SLF1: variants seen among roughly 807,000 people sequenced by gnomAD.
The protein encoded by SLF1 is SMC5-SMC6 complex localization factor protein 1.
SLF1 carries 105 observed loss-of-function variants against 123.0 expected under a neutral mutation model. The observed-to-expected ratio is 0.85, with a 90% CI of 0.73 to 1.00. The LOEUF (loss-of-function observed/expected upper bound fraction) is 1.00, where lower values mean the gene tolerates loss of function less well. Ranked by LOEUF, SLF1 falls within the 50% of genes least tolerant of loss-of-function variation. The pLI is 0.00. For synonymous variants in SLF1, 434 were observed against 406.6 expected (o/e 1.07, Z -0.81); for missense variants, 1,239 against 1,223.0 (o/e 1.01, Z -0.20).
intron 4 of SLF1, among the ~76,000 whole-genome samples, chr5:94,639,038 T>C (rs905252118): frequency 1.3e-4 from 7 of 52,436 alleles, no homozygotes; most frequent in Admixed American, 1.0e-3. Context: ...TTTTCTTCCC[T>C]TTTTTTTTTT....
intron 4 of SLF1, among the ~76,000 whole-genome samples, chr5:94,639,927 G>A (rs540859069): frequency 3.9e-5 from 6 of 152,196 alleles, no homozygotes; most frequent in East Asian, 3.9e-4. Flanking sequence ...CGGGTCAACT[G>A]TATTTCCATT....
chr5:94,626,522 T>C (rs1792262670), intron 1 of SLF1, among the ~76,000 whole-genome samples: 1 of 152,298 alleles, frequency 6.6e-6, no homozygotes. Context: ...TAAAATACAT[T>C]GTACCTCTTT....
At chr5:94,644,832 C>G (rs1296506843) in intron 5 of SLF1, among the ~76,000 whole-genome samples, 2 of 152,172 alleles carry the variant, frequency 1.3e-5, no homozygotes, top group African/African-American at 4.8e-5. Flanking sequence ...ACCAAAAGCT[C>G]CTTGTCATCA....
At chr5:94,635,734 T>C (rs1745696891) in intron 4 of SLF1, among the ~76,000 whole-genome samples, 1 of 152,170 alleles carries the variant, frequency 6.6e-6, no homozygotes, top group Non-Finnish European at 1.5e-5. Context: ...ATGTCAAAAT[T>C]TATATTATTT....
chr5:94,696,714 T>G lies in SLF1; in HGVS notation c.*1402T>G, dbSNP rs1753532431. 6.6e-6 allele frequency: 1 copy of G among 151,872 alleles called. No homozygotes were observed. 9.4% of individuals were successfully genotyped at this position (151,872 alleles called of 1,614,324 possible). A position where few individuals can be genotyped will look rare whatever the true frequency, so the allele number is the denominator to read the frequency against. ...TGCTTGGTAAACTAATATAAACTTG[T>G]AAACATAGGCTTTGACATCATACAC... On this transcript the variant is annotated 3_prime_UTR_variant, in exon 21 of 21. Coordinates refer to ENST00000265140, the MANE Select transcript of SLF1 (RefSeq NM_032290.4).
chr5:94,680,239 G>C (rs1193540333), intron 15 of SLF1, among the ~76,000 whole-genome samples: 1 of 152,146 alleles, frequency 6.6e-6, no homozygotes, highest in Non-Finnish European at 1.5e-5. Flanking sequence ...TCTGCAGAGA[G>C]AGTTCTCTTT....
chr5:94,690,953 G>T (rs1322776734), intron 18 of SLF1, among the ~76,000 whole-genome samples: 3 of 143,268 alleles, frequency 2.1e-5, no homozygotes, highest in Non-Finnish European at 4.6e-5. Context: ...TGTGTGTGTG[G>T]TGTGTTTATA....
chr5:94,678,212 G>A (rs866173405), intron 14 of SLF1, among the ~76,000 whole-genome samples: 1 of 152,066 alleles, frequency 6.6e-6, no homozygotes, highest in Admixed American at 6.5e-5. Context: ...GAGCCACCGC[G>A]CCCGGCCAGT....
chr5:94,681,603 C>G (rs962462634), intron 15 of SLF1, among the ~76,000 whole-genome samples: 1 of 151,822 alleles, frequency 6.6e-6, no homozygotes, highest in Non-Finnish European at 1.5e-5. Context: ...CCCACTAACT[C>G]GTCATCTAGC....
intron 12 of SLF1, among the ~76,000 whole-genome samples, chr5:94,668,872 T>G (rs555150116): frequency 6.6e-6 from 1 of 152,348 alleles, no homozygotes; most frequent in Non-Finnish European, 1.5e-5. Context: ...ATGACTTTCT[T>G]AAAGAGAGGT....
chr5:94,675,029 A>G (rs1322486385), intron 14 of SLF1, among the ~76,000 whole-genome samples: 1 of 152,216 alleles, frequency 6.6e-6, no homozygotes, highest in Non-Finnish European at 1.5e-5. Context: ...TCATGTTTCA[A>G]ATGCCAGTGT....
intron 4 of SLF1, among the ~76,000 whole-genome samples, chr5:94,633,193 G>A (rs1405264428): frequency 6.6e-6 from 1 of 151,648 alleles, no homozygotes; most frequent in Non-Finnish European, 1.5e-5. Context: ...CTCCATGTTG[G>A]TTAGGCTGGT....
intron 16 of SLF1, 105 bp from the exon 17 acceptor site, chr5:94,688,401 C>G (rs1752693479): frequency 7.5e-6 from 9 of 1,205,078 alleles, no homozygotes; most frequent in Non-Finnish European, 1.0e-5. Flanking sequence ...CATAGTGATG[C>G]AACCAAGAAA....
intron 4 of SLF1, among the ~76,000 whole-genome samples, chr5:94,639,399 G>A (rs969925803): frequency 6.6e-6 from 1 of 151,958 alleles, no homozygotes; most frequent in African/African-American, 2.4e-5. Context: ...CACTAGTTCA[G>A]TGTTTTTAAT....
intron 5 of SLF1, among the ~76,000 whole-genome samples, chr5:94,646,297 C>T (rs535901878): frequency 2.0e-5 from 3 of 152,146 alleles, no homozygotes; most frequent in South Asian, 4.2e-4. Context: ...TTGTTTAACC[C>T]TCTTATACTT....
intron 4 of SLF1, among the ~76,000 whole-genome samples, chr5:94,640,523 G>T (rs1292750318): frequency 6.6e-6 from 1 of 151,922 alleles, no homozygotes; most frequent in East Asian, 1.9e-4. Flanking sequence ...TGTGTATGTG[G>T]AGTTTTTTGG....
chr5:94,651,434 A>G (rs1314871797), intron 6 of SLF1, among the ~76,000 whole-genome samples: 2 of 152,234 alleles, frequency 1.3e-5, no homozygotes, highest in East Asian at 3.8e-4. Context: ...ATTAAACAAC[A>G]TGATTTGTAA....
At position 94,630,566 on chromosome 5, in the gene SLF1, A is replaced by C. The variant is rs374627; in HGVS notation, c.254A>C (p.Glu85Ala). The change falls in exon 4 of 21, where the codon GAA (glutamate) becomes GCA (alanine). Residue 85 changes from glutamate (E) to alanine (A), a missense_variant. By Grantham distance (107) the Glu-to-Ala change is moderately radical. Transcript: ENST00000265140. Reference sequence around the variant, plus strand: ...GCCAAAAGTGGCAGATGGCTTGATGAAACAACTTATGAATGGGGATATAAA... The same window carrying C: ...GCCAAAAGTGGCAGATGGCTTGATGCAACAACTTATGAATGGGGATATAAA... ...HSAKSGRWLD[E>A]TTYEWGYKIE... 2.6e-6 allele frequency: 4 copies of C among 1,551,592 alleles called. No individual in the cohort carries two copies. Among genetic ancestry groups the C allele is most frequent in the African/African-American group, 1.4e-5 (1 of 73,070 alleles).
intron 4 of SLF1, among the ~76,000 whole-genome samples, chr5:94,639,717 A>G (rs774213033): frequency 6.6e-5 from 10 of 152,242 alleles, no homozygotes; most frequent in Non-Finnish European, 1.3e-4. Flanking sequence ...AAATCATAAG[A>G]GAAAATATAT....
Sources: allele counts gnomAD v4.1 joint callset (sites outside exome capture counted in the v4.1 genomes callset), GRCh38; gene constraint gnomAD v4.1.1; transcripts MANE v1.5; gene names NCBI Gene and HGNC (gene_info 2026-07-23, HGNC 2026-07-21).